IMMP2L: variants seen among roughly 807,000 people sequenced by gnomAD.
IMMP2L encodes the protein mitochondrial inner membrane protease subunit 2.
IMMP2L carries 18 observed loss-of-function variants against 19.3 expected under a neutral mutation model. The ratio of observed to expected loss-of-function variants is 0.93; its 90% CI spans 0.64 to 1.38. The LOEUF (loss-of-function observed/expected upper bound fraction) is 1.38. IMMP2L is among the 40% of genes most tolerant of loss of function. IMMP2L has a pLI of 0.00. For synonymous variants in IMMP2L, 76 were observed against 73.0 expected, an observed-to-expected ratio of 1.04 and a Z score of -0.21; for missense variants, 233 against 218.2, an observed-to-expected ratio of 1.07 and a Z score of -0.43.
rs184408826 is a variant in IMMP2L, at chr7:111,462,232, C to G, written c.239+25006G>C. ...TTTCCAGCTTGCTTACATAAATAGT[C>G]TCCCAATTGGATACATCTTAGTGAA... On this transcript the variant is annotated intron_variant, in intron 3 of 5. Coordinates refer to ENST00000405709, the MANE Select transcript of IMMP2L (RefSeq NM_032549.4). 3.7e-4 allele frequency among the ~76,000 whole-genome samples: 57 copies of G among 152,114 alleles called. 1 individual carries two copies. Among genetic ancestry groups the G allele is most frequent in the African/African-American group, 1.3e-3 (52 of 41,526 alleles).
intron 5 of IMMP2L, among the ~76,000 whole-genome samples, chr7:110,812,687 A>T (rs996189064): frequency 6.6e-6 from 1 of 152,034 alleles, no homozygotes; most frequent in Non-Finnish European, 1.5e-5. Flanking sequence ...AGGCTGGGGT[A>T]AATGAAGACA....
At chr7:111,431,580 G>T (rs1481448383) in intron 3 of IMMP2L, among the ~76,000 whole-genome samples, 1 of 151,754 alleles carries the variant, frequency 6.6e-6, no homozygotes, top group Non-Finnish European at 1.5e-5. Flanking sequence ...TAATATTTGG[G>T]TGGATAGGTC....
intron 3 of IMMP2L, among the ~76,000 whole-genome samples, chr7:111,196,955 C>T (rs534522971): frequency 2.0e-4 from 30 of 152,072 alleles, no homozygotes; most frequent in Non-Finnish European, 4.0e-4. Flanking sequence ...TTTATTTTGC[C>T]CTTACTGAGG....
intron 3 of IMMP2L, among the ~76,000 whole-genome samples, chr7:111,261,150 T>C (rs1817270751): frequency 6.6e-6 from 1 of 152,118 alleles, no homozygotes; most frequent in African/African-American, 2.4e-5. Flanking sequence ...GACAAGCATT[T>C]AATTATGGCT....
chr7:111,556,930 T>A (rs1003601605), intron 1 of IMMP2L, among the ~76,000 whole-genome samples: 2 of 152,136 alleles, frequency 1.3e-5, no homozygotes, highest in Admixed American at 6.5e-5. Flanking sequence ...CCTGCGAGCA[T>A]GTTAAACACA....
intron 5 of IMMP2L, among the ~76,000 whole-genome samples, chr7:110,719,205 G>T (rs770785241): frequency 2.0e-5 from 3 of 152,160 alleles, no homozygotes; most frequent in Non-Finnish European, 4.4e-5. Context: ...AGAAATGATA[G>T]GAATAAAGGA....
chr7:110,700,477 C>T (rs540948789), intron 5 of IMMP2L, among the ~76,000 whole-genome samples: 3 of 152,300 alleles, frequency 2.0e-5, no homozygotes, highest in East Asian at 3.9e-4. Context: ...CTGCAATCCC[C>T]GTAGTCCTCA....
At chr7:110,784,687 A>T (rs1344682979) in intron 5 of IMMP2L, among the ~76,000 whole-genome samples, 2 of 151,966 alleles carry the variant, frequency 1.3e-5, no homozygotes, top group African/African-American at 4.8e-5. Flanking sequence ...AGTGGTCTTC[A>T]TCTTAGCTGC....
intron 3 of IMMP2L, among the ~76,000 whole-genome samples, chr7:111,328,053 A>G (rs1297636170): frequency 1.3e-5 from 2 of 151,838 alleles, no homozygotes; most frequent in Non-Finnish European, 2.9e-5. Context: ...AAATATTTTT[A>G]CAAAACCACA....
chr7:110,794,551 C>A (rs1415039150), intron 5 of IMMP2L, among the ~76,000 whole-genome samples: 1 of 151,990 alleles, frequency 6.6e-6, no homozygotes, highest in South Asian at 2.1e-4. Context: ...TCATATATTC[C>A]TATTTTTGAG....
chr7:111,136,842 G>T (rs1044220117), intron 3 of IMMP2L, among the ~76,000 whole-genome samples: 2 of 152,160 alleles, frequency 1.3e-5, no homozygotes, highest in Non-Finnish European at 2.9e-5. Context: ...CTATGAGAAA[G>T]ATTCTTTCAG....
At chr7:110,677,801 T>C (rs10239006) in intron 5 of IMMP2L, among the ~76,000 whole-genome samples, 5,160 of 149,876 alleles carry the variant, frequency 0.034, 295 homozygotes, top group African/African-American at 0.12. Flanking sequence ...TGGAAAAAAA[T>C]GGATAGATAG....
chr7:111,102,151 C>T (rs918766681), intron 3 of IMMP2L, among the ~76,000 whole-genome samples: 5 of 151,408 alleles, frequency 3.3e-5, no homozygotes, highest in African/African-American at 1.2e-4. Flanking sequence ...GATTTTAGGT[C>T]ACTTGTTCAA....
At chr7:111,070,342 T>C (rs1794849075) in intron 3 of IMMP2L, among the ~76,000 whole-genome samples, 2 of 152,216 alleles carry the variant, frequency 1.3e-5, no homozygotes, top group Non-Finnish European at 2.9e-5. Context: ...TAGCATACTG[T>C]ATGGCTGCAC....
intron 3 of IMMP2L, among the ~76,000 whole-genome samples, chr7:111,463,547 G>C (rs978629320): frequency 6.6e-6 from 1 of 152,082 alleles, no homozygotes; most frequent in African/African-American, 2.4e-5. Flanking sequence ...ACCCCCACCA[G>C]GCCACTTTTT....
chr7:110,876,214 C>T (rs1188274158), intron 5 of IMMP2L, among the ~76,000 whole-genome samples: 2 of 152,094 alleles, frequency 1.3e-5, no homozygotes, highest in Non-Finnish European at 1.5e-5. Flanking sequence ...CCAAAATATT[C>T]GCCCTTCTAT....
At chr7:110,989,175 C>T (rs947793378) in intron 3 of IMMP2L, among the ~76,000 whole-genome samples, 3 of 152,034 alleles carry the variant, frequency 2.0e-5, no homozygotes, top group East Asian at 1.9e-4. Context: ...GCAGAGATTG[C>T]GGTGAGCCAA....
intron 3 of IMMP2L, among the ~76,000 whole-genome samples, chr7:111,073,111 G>A (rs1670757759): frequency 6.6e-6 from 1 of 152,132 alleles, no homozygotes; most frequent in Admixed American, 6.5e-5. Flanking sequence ...GGTTATGTAA[G>A]AGAAAAACTT....
chr7:110,914,699 T>A (rs1436709303), intron 4 of IMMP2L, among the ~76,000 whole-genome samples: 7 of 152,224 alleles, frequency 4.6e-5, no homozygotes, highest in African/African-American at 1.2e-4. Context: ...TGTCTTATTC[T>A]TCTCAATGCC....
Sources: gnomAD v4.1 joint callset for allele counts (sites outside exome capture counted in the v4.1 genomes callset) on GRCh38, gnomAD v4.1.1 for gene constraint, MANE v1.5 for transcripts, NCBI Gene and HGNC (gene_info 2026-07-23, HGNC 2026-07-21) for gene names.